FARSB: variants seen among roughly 807,000 people sequenced by gnomAD.
FARSB encodes the protein phenylalanyl-tRNA synthetase subunit beta, also known as phenylalanine--tRNA ligase beta subunit.
Under a neutral mutation model 69.6 loss-of-function variants are expected in FARSB, and 40 were observed. The observed-to-expected ratio is 0.57, with a 90% CI of 0.45 to 0.75. FARSB has a LOEUF of 0.75. Ranked by LOEUF, FARSB falls within the 30% of genes least tolerant of loss-of-function variation. FARSB has a pLI of 0.00. For missense variants in FARSB, 632 were observed against 722.9 expected, an observed-to-expected ratio of 0.87 and a Z score of 1.44; for synonymous variants, 235 against 247.2, an observed-to-expected ratio of 0.95 and a Z score of 0.46.
At position 222,569,609 on chromosome 2, in the gene FARSB, C is replaced by T. The variant is rs1363048493; in HGVS notation, c.*2262G>A. ...TACCACCTCAATTAAGATAAAATTT[C>T]CATCACCCCAAAAAGTTTTCTCTTA... On this transcript the variant is annotated 3_prime_UTR_variant, in exon 17 of 17. Transcript: ENST00000281828. 1.3e-5 allele frequency: 2 copies of T among 152,174 alleles called. No individual in the cohort carries two copies. Among genetic ancestry groups the T allele is most frequent in the African/African-American group, 4.8e-5 (2 of 41,440 alleles). 9.4% of individuals were successfully genotyped at this position (152,174 alleles called of 1,614,324 possible). A position where few individuals can be genotyped will look rare whatever the true frequency, so the allele number is the denominator to read the frequency against.
At chr2:222,640,038 T>C (rs1174490770) in intron 4 of FARSB, among the ~76,000 whole-genome samples, 1 of 152,232 alleles carries the variant, frequency 6.6e-6, no homozygotes, top group Non-Finnish European at 1.5e-5. Flanking sequence ...CAAATGTGTT[T>C]TAAACATGCA....
chr2:222,626,388 CTTTA>C (rs1691276742), intron 10 of FARSB, among the ~76,000 whole-genome samples: 1 of 151,510 alleles, frequency 6.6e-6, no homozygotes, highest in Admixed American at 6.6e-5. Flanking sequence ...TATTTTAAAA[CTTTA>C]TTTTTTTCTA....
intron 14 of FARSB, 112 bp downstream of exon 14, chr2:222,619,533 T>G: frequency 1.6e-6 from 1 of 620,400 alleles, no homozygotes; most frequent in Non-Finnish European, 2.9e-6. Context: ...AAGATATTAT[T>G]AAAAAGCTCT....
chr2:222,622,029 G>A (rs1691149166), intron 13 of FARSB, among the ~76,000 whole-genome samples: 1 of 152,200 alleles, frequency 6.6e-6, no homozygotes, highest in African/African-American at 2.4e-5. Flanking sequence ...CACAGGCCTT[G>A]GATGCAGACA....
At chr2:222,619,283 G>C (rs1429483701) in intron 14 of FARSB, among the ~76,000 whole-genome samples, 1 of 147,638 alleles carries the variant, frequency 6.8e-6, no homozygotes. Flanking sequence ...TCCAGCCTGA[G>C]CAACAGGGCA....
intron 9 of FARSB, among the ~76,000 whole-genome samples, chr2:222,629,565 C>T (rs1230086957): frequency 6.6e-6 from 1 of 152,150 alleles, no homozygotes; most frequent in Non-Finnish European, 1.5e-5. Context: ...ATGAAGCCTT[C>T]TCAGATTGTA....
Position 222,587,396 on chromosome 2 carries a change from G to C in FARSB, c.1618+12532C>G, listed in dbSNP as rs138729219. Among the ~76,000 whole-genome samples the C allele has an allele frequency of 1.0e-2, 1,518 of 152,272 alleles. 13 individuals are homozygous for C. The highest frequency in any genetic ancestry group is 0.013 in the Non-Finnish European group (896 of 68,024). On this transcript the variant is annotated intron_variant, in intron 16 of 16. Transcript: ENST00000281828. ...AATTTATAGAACTGAATGCCCACAA[G>C]AGAAAGCAGGAAAGATCTAAAATCA...
chr2:222,601,402 C>T (rs1217773665), intron 15 of FARSB, among the ~76,000 whole-genome samples: 1 of 151,792 alleles, frequency 6.6e-6, no homozygotes, highest in Admixed American at 6.6e-5. Flanking sequence ...CATAGCAATA[C>T]CCCATCTCTA....
rs1689688181 is a variant in FARSB at position 222,570,074 on chromosome 2, C to G, written c.*1797G>C. Among the ~76,000 whole-genome samples the G allele has an allele frequency of 6.6e-6, 1 of 152,108 alleles. No homozygotes were observed. The highest frequency in any genetic ancestry group is 1.5e-5 in the Non-Finnish European group (1 of 68,018). On this transcript the variant is annotated 3_prime_UTR_variant, in exon 17 of 17. Coordinates refer to ENST00000281828, the MANE Select transcript of FARSB (RefSeq NM_005687.5). Reference sequence around the variant, plus strand: ...TTGATTTATGAATCTTAAATTTTAGCCATTTTAATGGGTATGCAGTTTGTC... The same window carrying G: ...TTGATTTATGAATCTTAAATTTTAGGCATTTTAATGGGTATGCAGTTTGTC...
At chr2:222,615,179 A>T (rs1468977842) in intron 14 of FARSB, among the ~76,000 whole-genome samples, 5 of 152,176 alleles carry the variant, frequency 3.3e-5, no homozygotes, top group African/African-American at 1.2e-4. Context: ...CTTCCAACAC[A>T]TGTTACCAGA....
At chr2:222,619,518 C>A in intron 14 of FARSB, 127 bp downstream of exon 14, 1 of 598,718 alleles carries the variant, frequency 1.7e-6, no homozygotes, top group South Asian at 2.2e-5. Flanking sequence ...ATAAACTTAC[C>A]CAAGAAGATA....
intron 16 of FARSB, among the ~76,000 whole-genome samples, chr2:222,586,499 C>A (rs772848047): frequency 6.6e-6 from 1 of 152,128 alleles, no homozygotes; most frequent in Non-Finnish European, 1.5e-5. Flanking sequence ...GGATCAAATT[C>A]ACACATAATA....
intron 15 of FARSB, among the ~76,000 whole-genome samples, chr2:222,605,193 C>CTCTCTCTCTCTCTG (rs762324554): frequency 1.2e-3 from 181 of 151,836 alleles, no homozygotes; most frequent in Non-Finnish European, 2.2e-3. Flanking sequence ...CTCTCTCTCT[C>CTCTCTCTCTCTCTG]TGTGTCTCCC....
At chr2:222,582,726 C>A (rs962019226) in intron 16 of FARSB, among the ~76,000 whole-genome samples, 2 of 152,018 alleles carry the variant, frequency 1.3e-5, no homozygotes, top group African/African-American at 4.8e-5. Context: ...GGAGTCAAGA[C>A]CAGCCTGGCC....
At chr2:222,634,679 T>C (rs1691532214) in intron 5 of FARSB, 138 bp from the exon 6 acceptor site, 1 of 583,312 alleles carries the variant, frequency 1.7e-6, no homozygotes, top group African/African-American at 1.9e-5. Flanking sequence ...TTTCAGATAC[T>C]TCCCTGAAAC....
chr2:222,596,815 T>C (rs1559195695), intron 16 of FARSB, among the ~76,000 whole-genome samples: 1 of 152,108 alleles, frequency 6.6e-6, no homozygotes, highest in Non-Finnish European at 1.5e-5. Flanking sequence ...GTATTTTATA[T>C]ACACACACAC....
intron 16 of FARSB, among the ~76,000 whole-genome samples, chr2:222,581,281 A>G (rs560204576): frequency 6.6e-6 from 1 of 152,336 alleles, no homozygotes; most frequent in South Asian, 2.1e-4. Context: ...GATGTAATAT[A>G]TATATAGAAG....
At chr2:222,651,891 T>G (rs145868613) in intron 1 of FARSB, among the ~76,000 whole-genome samples, 1,856 of 152,100 alleles carry the variant, frequency 0.012, 18 homozygotes, top group Non-Finnish European at 0.017. Context: ...CTCAGAGGGG[T>G]GGAAACCAAG....
At chr2:222,631,699 A>G in intron 7 of FARSB, 25 bp from the exon 8 acceptor site, 1 of 1,272,356 alleles carries the variant, frequency 7.9e-7, no homozygotes, top group East Asian at 2.3e-5. Context: ...AAACAATAAC[A>G]TTAAAATAAC....
Sources: gnomAD v4.1 joint callset for allele counts (sites outside exome capture counted in the v4.1 genomes callset) on GRCh38, gnomAD v4.1.1 for gene constraint, MANE v1.5 for transcripts, NCBI Gene and HGNC (gene_info 2026-07-23, HGNC 2026-07-21) for gene names.